DIAPH3: variants seen among roughly 807,000 people sequenced by gnomAD.
DIAPH3 encodes the protein diaphanous related formin 3, also known as protein diaphanous homolog 3.
A neutral mutation model predicts 144.3 loss-of-function variants in DIAPH3; 117 were observed. The ratio of observed to expected loss-of-function variants is 0.81; its 90% CI spans 0.70 to 0.95. The LOEUF is 0.95. DIAPH3 is among the 40% of genes least tolerant of loss of function. The pLI is 0.00. For synonymous variants in DIAPH3, 519 were observed against 488.9 expected (o/e 1.06, Z -0.81); for missense variants, 1,421 against 1,412.7 (o/e 1.01, Z -0.09).
chr13:59,952,615 C>G (rs2049159409), intron 17 of DIAPH3, among the ~76,000 whole-genome samples: 2 of 152,126 alleles, frequency 1.3e-5, no homozygotes, highest in African/African-American at 4.8e-5. Flanking sequence ...GGTCCTGAAC[C>G]TATTCCACTC....
intron 25 of DIAPH3, among the ~76,000 whole-genome samples, chr13:59,784,846 C>CGT (rs2038946586): frequency 6.6e-6 from 1 of 150,984 alleles, no homozygotes; most frequent in Non-Finnish European, 1.5e-5. Flanking sequence ...AAACCACACA[C>CGT]GCGCGCACAC....
intron 20 of DIAPH3, among the ~76,000 whole-genome samples, chr13:59,908,640 G>A (rs1471264454): frequency 1.3e-5 from 2 of 151,676 alleles, no homozygotes; most frequent in Non-Finnish European, 2.9e-5. Flanking sequence ...CTCAAGTTAG[G>A]GTATCAGTTT....
intron 2 of DIAPH3, among the ~76,000 whole-genome samples, chr13:60,119,979 C>G (rs2058806231): frequency 6.6e-6 from 1 of 151,908 alleles, no homozygotes; most frequent in South Asian, 2.1e-4. Context: ...ACCATCCCTA[C>G]AGATGCTTAC....
chr13:59,810,789 A>G lies in DIAPH3; in HGVS notation c.3162T>C (p.Thr1054=), dbSNP rs772873521. Residue 1054 remains threonine (T), a splice_region_variant and synonymous_variant, in exon 25 of 28, where the codon ACT becomes ACC. Transcript: ENST00000400324. The part of the protein sequence containing the change: ...QKKKRLLEMK[T]EGDETGVMDN... ...AATAACAAATTTGATAGTACTCACCAGTCTTCATTTCTAATAAACGCTTTT... is the reference window on the plus strand; with the variant it reads ...AATAACAAATTTGATAGTACTCACCGGTCTTCATTTCTAATAAACGCTTTT... The G allele has an allele frequency of 6.2e-7, 1 of 1,613,252 alleles. No individual in the cohort carries two copies. Among genetic ancestry groups the G allele is most frequent in the Non-Finnish European group, 8.5e-7 (1 of 1,179,808 alleles).
intron 17 of DIAPH3, among the ~76,000 whole-genome samples, chr13:59,939,769 G>A (rs1177727381): frequency 1.3e-5 from 2 of 151,680 alleles, no homozygotes; most frequent in Non-Finnish European, 2.9e-5. Flanking sequence ...ATTGACTAAG[G>A]CAAAGTCACC....
chr13:59,799,377 A>ACG (rs1326664308), intron 25 of DIAPH3, among the ~76,000 whole-genome samples: 15 of 11,774 alleles, frequency 1.3e-3, no homozygotes, highest in African/African-American at 4.2e-3. Flanking sequence ...GGAAATATGC[A>ACG]CACACACACA....
chr13:60,161,826 T>G (rs1447225383), intron 1 of DIAPH3, among the ~76,000 whole-genome samples: 3 of 152,092 alleles, frequency 2.0e-5, no homozygotes, highest in African/African-American at 7.2e-5. Context: ...CCAGACAGAT[T>G]TGAAAAATAA....
At chr13:60,003,262 C>T (rs909819530) in intron 9 of DIAPH3, among the ~76,000 whole-genome samples, 11 of 151,978 alleles carry the variant, frequency 7.2e-5, no homozygotes, top group African/African-American at 2.7e-4. Context: ...CTGGGCCTAC[C>T]AGAAATTTTG....
intron 27 of DIAPH3, among the ~76,000 whole-genome samples, chr13:59,737,794 C>T (rs1399130172): frequency 6.6e-6 from 1 of 152,178 alleles, no homozygotes; most frequent in Non-Finnish European, 1.5e-5. Context: ...GCTCATTCTA[C>T]GCAAACTCTT....
intron 1 of DIAPH3, among the ~76,000 whole-genome samples, chr13:60,160,111 C>T (rs1159571176): frequency 2.0e-5 from 3 of 152,002 alleles, no homozygotes; most frequent in Non-Finnish European, 2.9e-5. Context: ...GTAGTCCCAA[C>T]TACTCGGGAG....
intron 17 of DIAPH3, among the ~76,000 whole-genome samples, chr13:59,952,392 C>G (rs1240386982): frequency 6.6e-6 from 1 of 152,042 alleles, no homozygotes; most frequent in Non-Finnish European, 1.5e-5. Context: ...CACAATTTAA[C>G]AAAAATCAAC....
At chr13:59,687,783 C>G (rs1233634257) in intron 27 of DIAPH3, among the ~76,000 whole-genome samples, 1 of 152,022 alleles carries the variant, frequency 6.6e-6, no homozygotes, top group Admixed American at 6.6e-5. Context: ...CATAGAAGTA[C>G]AGGCAGGACA....
At chr13:59,992,443 A>T in intron 10 of DIAPH3, 30 bp downstream of exon 10, 1 of 1,529,402 alleles carries the variant, frequency 6.5e-7, no homozygotes. Flanking sequence ...TTTAATTTAA[A>T]TATTAATAAG....
At chr13:60,125,394 ATTTT>A (rs56267083) in intron 2 of DIAPH3, among the ~76,000 whole-genome samples, 67 of 97,860 alleles carry the variant, frequency 6.8e-4, no homozygotes, top group South Asian at 6.6e-3. Context: ...CACCCAGCTA[ATTTT>A]TTTTTTTTTT....
intron 27 of DIAPH3, among the ~76,000 whole-genome samples, chr13:59,692,426 C>CCT (rs2033582455): frequency 6.9e-6 from 1 of 144,652 alleles, no homozygotes; most frequent in Non-Finnish European, 1.5e-5. Context: ...CATCCCCCGA[C>CCT]ACCAAATAAG....
At chr13:60,005,847 TAAAAG>T (rs2052837861) in intron 9 of DIAPH3, among the ~76,000 whole-genome samples, 1 of 152,158 alleles carries the variant, frequency 6.6e-6, no homozygotes, top group Non-Finnish European at 1.5e-5. Flanking sequence ...GAGCTGTTAA[TAAAAG>T]AAATTAAACC....
At chr13:59,815,273 A>C (rs2040707528) in intron 24 of DIAPH3, among the ~76,000 whole-genome samples, 1 of 152,182 alleles carries the variant, frequency 6.6e-6, no homozygotes, top group Non-Finnish European at 1.5e-5. Flanking sequence ...ATAATACTCT[A>C]TTTTAATTAT....
chr13:59,690,115 C>T (rs1400614741), intron 27 of DIAPH3, among the ~76,000 whole-genome samples: 2 of 152,058 alleles, frequency 1.3e-5, no homozygotes, highest in African/African-American at 4.8e-5. Flanking sequence ...GGTTGGGCAA[C>T]TGAAGTTGAA....
At position 59,924,849 on chromosome 13, in the gene DIAPH3, A is replaced by G. The variant is rs199556306; in HGVS notation, c.2096T>C (p.Ile699Thr). The G allele has an allele frequency of 6.6e-5, 105 of 1,600,894 alleles. 1 individual carries two copies. The highest frequency in any genetic ancestry group is 2.7e-4 in the African/African-American group (20 of 74,686). ...TTTCTTAATCGATTTCTTCTCTTCA[A>G]TATCTTCCTCTTCTCTTCTCTCTGT... The part of the protein sequence containing the change: ...QQKERREEED[I>T]EEKKSIKKKI... The change falls in exon 18 of 28, where the codon ATT becomes ACT. Residue 699 changes from isoleucine to threonine, a missense_variant. Transcript: ENST00000400324.
Sources: allele counts gnomAD v4.1 joint callset (sites outside exome capture counted in the v4.1 genomes callset), GRCh38; gene constraint gnomAD v4.1.1; transcripts MANE v1.5; gene names NCBI Gene and HGNC (gene_info 2026-07-23, HGNC 2026-07-21).